DMRT1: variants seen among roughly 807,000 people sequenced by gnomAD.
The protein encoded by DMRT1 is doublesex- and mab-3-related transcription factor 1.
In DMRT1, 7 loss-of-function variants were observed where a neutral mutation model predicts 32.3. The ratio of observed to expected loss-of-function variants is 0.22; its 90% CI spans 0.12 to 0.41. DMRT1 has a LOEUF of 0.41. Ranked by LOEUF, DMRT1 falls within the 10% of genes least tolerant of loss-of-function variation. The probability of loss-of-function intolerance (pLI) is 1.00; values close to 1 mark genes in which losing one functional copy is unlikely to be tolerated. For synonymous variants in DMRT1, 278 were observed against 206.1 expected (o/e 1.35, Z -2.99); for missense variants, 625 against 500.5 (o/e 1.25, Z -2.37).
At chr9:850,023 T>A (rs189151280) in intron 2 of DMRT1, among the ~76,000 whole-genome samples, 1 of 152,336 alleles carries the variant, frequency 6.6e-6, no homozygotes, top group Non-Finnish European at 1.5e-5. Context: ...TCCTCCATGT[T>A]GGTCAGGCTG....
intron 2 of DMRT1, among the ~76,000 whole-genome samples, chr9:887,847 A>C (rs1044636314): frequency 4.6e-5 from 7 of 152,182 alleles, no homozygotes; most frequent in African/African-American, 1.2e-4. Flanking sequence ...ATAGATGGCA[A>C]ATTCTTAAGA....
intron 2 of DMRT1, among the ~76,000 whole-genome samples, chr9:864,112 C>T (rs115420525): frequency 0.021 from 3,244 of 152,224 alleles, 119 homozygotes; most frequent in African/African-American, 0.074. Context: ...TTTCCACTTC[C>T]TGTTGGTAGG....
intron 4 of DMRT1, among the ~76,000 whole-genome samples, chr9:966,632 G>T (rs946085331): frequency 6.6e-6 from 1 of 152,196 alleles, no homozygotes; most frequent in Non-Finnish European, 1.5e-5. Flanking sequence ...CCAGTGGAGT[G>T]GTTAAGGGCC....
At chr9:929,846 C>T (rs981875760) in intron 4 of DMRT1, among the ~76,000 whole-genome samples, 9 of 152,036 alleles carry the variant, frequency 5.9e-5, no homozygotes, top group African/African-American at 2.2e-4. Flanking sequence ...TCATTGAGTG[C>T]CAGTTAGTGT....
At chr9:941,331 C>CT (rs1233534824) in intron 4 of DMRT1, among the ~76,000 whole-genome samples, 1 of 114,616 alleles carries the variant, frequency 8.7e-6, no homozygotes, top group African/African-American at 4.5e-5. Context: ...ACACCCCCTC[C>CT]CCCCCCCCAC....
intron 2 of DMRT1, among the ~76,000 whole-genome samples, chr9:850,971 G>C (rs941651162): frequency 6.7e-6 from 1 of 148,938 alleles, no homozygotes; most frequent in African/African-American, 2.5e-5. Context: ...GGAGGTTGCA[G>C]TGAGCTGAGA....
At chr9:845,398 G>C (rs1308443321) in intron 1 of DMRT1, among the ~76,000 whole-genome samples, 2 of 151,770 alleles carry the variant, frequency 1.3e-5, no homozygotes, top group East Asian at 3.9e-4. Flanking sequence ...AGTAGAGATG[G>C]GGTTTCACCA....
chr9:848,406 G>A (rs1838994723), intron 2 of DMRT1, among the ~76,000 whole-genome samples: 2 of 152,074 alleles, frequency 1.3e-5, no homozygotes, highest in Admixed American at 6.6e-5. Context: ...AAAGCAGGAA[G>A]GTGTGTCTGT....
intron 4 of DMRT1, among the ~76,000 whole-genome samples, chr9:919,189 C>G (rs1165250849): frequency 6.6e-6 from 1 of 152,144 alleles, no homozygotes; most frequent in Non-Finnish European, 1.5e-5. Flanking sequence ...ATTATTTATT[C>G]TAAATAGGGA....
intron 3 of DMRT1, chr9:894,832 G>C (rs1442339928): frequency 6.5e-6 from 1 of 152,982 alleles, no homozygotes; most frequent in Admixed American, 6.9e-5. Context: ...TTTGGTTTTT[G>C]AGACAGAGTC....
At chr9:927,179 T>C (rs1818553837) in intron 4 of DMRT1, among the ~76,000 whole-genome samples, 4 of 152,246 alleles carry the variant, frequency 2.6e-5, no homozygotes. Flanking sequence ...CAAGTACAAC[T>C]TGAATAACCT....
intron 4 of DMRT1, among the ~76,000 whole-genome samples, chr9:937,769 A>T (rs1818934633): frequency 6.6e-6 from 1 of 151,976 alleles, no homozygotes; most frequent in African/African-American, 2.4e-5. Flanking sequence ...TATGATTTCC[A>T]AGTATTTTTT....
chr9:899,492 C>A (rs1417229071), intron 3 of DMRT1, among the ~76,000 whole-genome samples: 1 of 152,208 alleles, frequency 6.6e-6, no homozygotes, highest in African/African-American at 2.4e-5. Flanking sequence ...AAATGCCCTG[C>A]CTGCTGAGAG....
intron 2 of DMRT1, among the ~76,000 whole-genome samples, chr9:875,766 GTGTA>G (rs57573342): frequency 0.015 from 2,301 of 152,038 alleles, 67 homozygotes; most frequent in African/African-American, 0.052. Flanking sequence ...GTGCATGTGT[GTGTA>G]TGTATGTATG....
intron 3 of DMRT1, among the ~76,000 whole-genome samples, chr9:905,470 GCC>G (rs1227001848): frequency 1.2e-5 from 1 of 86,766 alleles, no homozygotes; most frequent in Non-Finnish European, 2.8e-5. Flanking sequence ...TCACTCCCTT[GCC>G]CCTGTGTGTG....
chr9:878,201 C>CCCG (rs1554749474), intron 2 of DMRT1, among the ~76,000 whole-genome samples: 3 of 19,310 alleles, frequency 1.6e-4, no homozygotes, highest in African/African-American at 9.0e-4. Context: ...GCAGCTGCTG[C>CCCG]CCCCCCCCCA....
chr9:862,102 C>CGGCCGGGCGGAGG lies in DMRT1; in HGVS notation c.538+14962_538+14963insCGGGCGGAGGGGC, dbSNP rs1444238615. Among the ~76,000 whole-genome samples, 238 of 133,212 alleles carry CGGCCGGGCGGAGG rather than the reference C, an allele frequency of 1.8e-3. 14 individuals are homozygous for CGGCCGGGCGGAGG. Among genetic ancestry groups the CGGCCGGGCGGAGG allele is most frequent in the Non-Finnish European group, 3.3e-3 (196 of 59,574 alleles). 87.4% of individuals were successfully genotyped at this position (133,212 alleles called of 152,430 possible). ...GCTCCTCACTTCCTAGACGGGGTGGCGGCTGGGCAGAGGCTGCAATCTCAG... is the reference window on the plus strand; with the variant it reads ...GCTCCTCACTTCCTAGACGGGGTGGCGGCCGGGCGGAGGGGCTGGGCAGAGGCTGCAATCTCAG... On this transcript the variant is annotated intron_variant, in intron 2 of 4. Coordinates refer to ENST00000382276, the MANE Select transcript of DMRT1 (RefSeq NM_021951.3).
rs1321031989 is a variant in DMRT1, at chr9:887,878, A to G, written c.539-6034A>G. On this transcript the variant is annotated intron_variant, in intron 2 of 4. Coordinates refer to ENST00000382276, the MANE Select transcript of DMRT1 (RefSeq NM_021951.3). ...TAAGAAAAAATGTAATGTTTAAAGT[A>G]TGTTTTTGTGCCTTTGACAACATTT... Among the ~76,000 whole-genome samples the G allele has an allele frequency of 2.0e-5, 3 of 152,234 alleles. No individual in the cohort carries two copies. The East Asian group carries it at 5.8e-4, about 29-fold the overall frequency.
chr9:957,391 G>T (rs1819633904), intron 4 of DMRT1, among the ~76,000 whole-genome samples: 1 of 152,188 alleles, frequency 6.6e-6, no homozygotes, highest in African/African-American at 2.4e-5. Flanking sequence ...ATGTATTAAA[G>T]AATTTTAGCA....
Sources: gnomAD v4.1 joint callset for allele counts (sites outside exome capture counted in the v4.1 genomes callset) on GRCh38, gnomAD v4.1.1 for gene constraint, MANE v1.5 for transcripts, NCBI Gene and HGNC (gene_info 2026-07-23, HGNC 2026-07-21) for gene names.